CPLX1: variants seen among roughly 807,000 people sequenced by gnomAD.
CPLX1 encodes complexin 1, also known as complexin-1.
CPLX1 carries 6 observed loss-of-function variants against 15.6 expected under a neutral mutation model. That is an observed-to-expected ratio of 0.39 (90% CI 0.21 to 0.76). The LOEUF (loss-of-function observed/expected upper bound fraction) is 0.76, where lower values mean the gene tolerates loss of function less well. Among genes scored for constraint, CPLX1 ranks in the 30% least tolerant of loss-of-function variants. The pLI, the probability that CPLX1 is intolerant of heterozygous loss-of-function variation, is 0.43. For missense variants in CPLX1, 242 were observed against 188.6 expected (o/e 1.28, Z -1.66); for synonymous variants, 91 against 75.2 (o/e 1.21, Z -1.08).
At chr4:816,781 C>T (rs1746765593) in intron 2 of CPLX1, among the ~76,000 whole-genome samples, 1 of 152,146 alleles carries the variant, frequency 6.6e-6, no homozygotes, top group African/African-American at 2.4e-5. Context: ...GTGATCGCTC[C>T]ACTGCACTCC....
At chr4:809,393 T>C (rs938511369) in intron 2 of CPLX1, among the ~76,000 whole-genome samples, 2 of 152,088 alleles carry the variant, frequency 1.3e-5, no homozygotes, top group African/African-American at 4.8e-5. Flanking sequence ...TCTCACGCCC[T>C]TACTGAAACG....
intron 2 of CPLX1, among the ~76,000 whole-genome samples, chr4:810,158 T>C (rs1746639434): frequency 6.6e-6 from 1 of 150,598 alleles, no homozygotes; most frequent in East Asian, 2.0e-4. Flanking sequence ...CACACCATTC[T>C]CCTGCCTCAG....
intron 2 of CPLX1, among the ~76,000 whole-genome samples, chr4:817,913 G>A (rs560593683): frequency 6.6e-6 from 1 of 152,188 alleles, no homozygotes; most frequent in Non-Finnish European, 1.5e-5. Context: ...TCCCCATCCG[G>A]TGTCAAGGAA....
chr4:822,206 C>A (rs1314961879), intron 2 of CPLX1, among the ~76,000 whole-genome samples: 1 of 151,410 alleles, frequency 6.6e-6, no homozygotes, highest in Non-Finnish European at 1.5e-5. Flanking sequence ...CTGTCTCCAT[C>A]TCTATCTCTC....
intron 3 of CPLX1, among the ~76,000 whole-genome samples, chr4:791,094 C>T (rs1242162136): frequency 1.4e-5 from 2 of 139,426 alleles, no homozygotes; most frequent in Admixed American, 1.4e-4. Context: ...GTCTCCCGAG[C>T]ACATCCCAGT....
chr4:807,073 C>T (rs1396733526), intron 2 of CPLX1, among the ~76,000 whole-genome samples: 6 of 152,162 alleles, frequency 3.9e-5, no homozygotes, highest in Non-Finnish European at 8.8e-5. Flanking sequence ...GGGAATCAAC[C>T]CAAATGCCCA....
At chr4:791,283 G>A (rs1353412948) in intron 3 of CPLX1, among the ~76,000 whole-genome samples, 5 of 151,656 alleles carry the variant, frequency 3.3e-5, no homozygotes, top group African/African-American at 1.2e-4. Context: ...CCCTGGGTGG[G>A]ATGCCAGGGC....
At chr4:799,377 G>A (rs1044917538) in intron 2 of CPLX1, among the ~76,000 whole-genome samples, 2 of 152,234 alleles carry the variant, frequency 1.3e-5, no homozygotes, top group Non-Finnish European at 2.9e-5. Context: ...AGCTTCCAGA[G>A]AGCTGGGCAC....
At chr4:792,661 G>T in intron 2 of CPLX1, 53 bp from the exon 3 acceptor site, 1 of 1,553,476 alleles carries the variant, frequency 6.4e-7, no homozygotes, top group South Asian at 1.2e-5. Context: ...CCAGGGCCGG[G>T]CTAGTGTCTC....
intron 2 of CPLX1, among the ~76,000 whole-genome samples, chr4:811,739 T>C (rs942033632): frequency 6.6e-6 from 1 of 152,226 alleles, no homozygotes; most frequent in Non-Finnish European, 1.5e-5. Context: ...CAGGTCAGCC[T>C]GGCTGGCTGT....
At position 825,341 on chromosome 4, in the gene CPLX1, C is replaced by G. The variant is rs570637920; in HGVS notation, c.-80+705G>C. Among the ~76,000 whole-genome samples, 5 of 152,312 alleles carry G rather than the reference C, an allele frequency of 3.3e-5. No individual in the cohort carries two copies. The East Asian group carries it at 9.7e-4, about 30-fold the overall frequency. ...GGGGAACCCCAGGTCCCTGGAGAGA[C>G]ACTGTTTGACGGTTCACCCCTCGCC... On this transcript the variant is annotated intron_variant, in intron 1 of 3. Transcript: ENST00000304062.
chr4:786,680 CCTT>C lies in CPLX1; in HGVS notation c.223_225del (p.Lys75del), dbSNP rs779856111. The C allele has an allele frequency of 7.5e-6, 12 of 1,609,076 alleles. No individual in the cohort carries two copies. The highest frequency in any genetic ancestry group is 2.2e-5 in the East Asian group (1 of 44,656). ...GCCTGGGCCTCGGCCTCGCGCTCCT[CCTT>C]CTTCTTGATGCCGTACTGCGGGGGA... On this transcript the variant is annotated inframe_deletion, in exon 4 of 4. Transcript: ENST00000304062.
chr4:806,152 A>G (rs553719313), intron 2 of CPLX1, among the ~76,000 whole-genome samples: 51 of 152,382 alleles, frequency 3.3e-4, no homozygotes, highest in African/African-American at 1.2e-3. Context: ...ACTTCAAACT[A>G]TACTACAAGA....
At chr4:817,246 TAAA>T (rs35754733) in intron 2 of CPLX1, among the ~76,000 whole-genome samples, 158 of 132,622 alleles carry the variant, frequency 1.2e-3, no homozygotes, top group African/African-American at 3.7e-3. Context: ...TGGGTGAATG[TAAA>T]AAAAAAAAAA....
intron 3 of CPLX1, among the ~76,000 whole-genome samples, chr4:789,000 C>A (rs1746086538): frequency 6.6e-6 from 1 of 152,202 alleles, no homozygotes; most frequent in Non-Finnish European, 1.5e-5. Flanking sequence ...CCTTCTGGGC[C>A]CAGGAAGGAG....
At chr4:787,277 C>A (rs868094117) in intron 3 of CPLX1, 117 of 985,400 alleles carry the variant, frequency 1.2e-4, no homozygotes, top group South Asian at 9.9e-4. Flanking sequence ...CACTGGGTGT[C>A]CTGGAATCCC....
chr4:790,834 C>T (rs116417826), intron 3 of CPLX1, among the ~76,000 whole-genome samples: 1,781 of 152,192 alleles, frequency 0.012, 45 homozygotes, highest in African/African-American at 0.041. Context: ...GGGGCTCTCT[C>T]CTCTCTGTTC....
intron 2 of CPLX1, among the ~76,000 whole-genome samples, chr4:818,414 C>G (rs1425415189): frequency 1.3e-5 from 2 of 152,276 alleles, no homozygotes; most frequent in Non-Finnish European, 2.9e-5. Flanking sequence ...CTCACAGGTC[C>G]CCGGGCCCAG....
intron 3 of CPLX1, chr4:788,532 A>G: frequency 1.0e-6 from 1 of 985,480 alleles, no homozygotes; most frequent in Non-Finnish European, 1.2e-6. Flanking sequence ...AGCACAGGGT[A>G]GGAACGTTCT....
Sources: allele counts gnomAD v4.1 joint callset (sites outside exome capture counted in the v4.1 genomes callset), GRCh38; gene constraint gnomAD v4.1.1; transcripts MANE v1.5; gene names NCBI Gene and HGNC (gene_info 2026-07-23, HGNC 2026-07-21).